DDX10: variants seen among roughly 807,000 people sequenced by gnomAD.
The protein encoded by DDX10 is DEAD-box helicase 10.
Under a neutral mutation model 104.3 loss-of-function variants are expected in DDX10, and 74 were observed. The ratio of observed to expected loss-of-function variants is 0.71; its 90% CI spans 0.59 to 0.86. The LOEUF is 0.86. Among genes scored for constraint, DDX10 ranks in the 40% least tolerant of loss-of-function variants. DDX10 has a pLI of 0.00. For synonymous variants in DDX10, 351 were observed against 353.4 expected (o/e 0.99, Z 0.08); for missense variants, 952 against 1,040.0 (o/e 0.92, Z 1.16).
At chr11:108,794,264 AC>A (rs1474198661) in intron 13 of DDX10, among the ~76,000 whole-genome samples, 2 of 151,880 alleles carry the variant, frequency 1.3e-5, no homozygotes, top group African/African-American at 4.8e-5. Flanking sequence ...AGATCTCCAT[AC>A]TAGTTTTAGT....
chr11:108,797,038 A>AT (rs1861951441), intron 13 of DDX10, among the ~76,000 whole-genome samples: 1 of 150,758 alleles, frequency 6.6e-6, no homozygotes, highest in African/African-American at 2.4e-5. Context: ...TCCCTCTTCT[A>AT]ATTTTTTTTT....
chr11:108,684,141 CTTTTTTTTT>C (rs56168476), intron 6 of DDX10, among the ~76,000 whole-genome samples: 1 of 31,308 alleles, frequency 3.2e-5, no homozygotes, highest in Non-Finnish European at 5.9e-5. Context: ...ATTTCCAGTT[CTTTTTTTTT>C]TTTTTTTTTT....
chr11:108,807,204 C>T (rs1862113656), intron 13 of DDX10, among the ~76,000 whole-genome samples: 1 of 151,806 alleles, frequency 6.6e-6, no homozygotes, highest in African/African-American at 2.4e-5. Flanking sequence ...AAGTTTTGTA[C>T]CTGAGCCTGG....
At chr11:108,834,927 C>CAAA (rs56174572) in intron 13 of DDX10, among the ~76,000 whole-genome samples, 29,095 of 61,894 alleles carry the variant, frequency 0.47, 9,455 homozygotes, top group Non-Finnish European at 0.61. Flanking sequence ...GACTCCATCT[C>CAAA]AAAAAAAAAA....
rs187467319 is a variant in DDX10, at chr11:108,846,273, T to C, written c.2247+4797T>C. On this transcript the variant is annotated intron_variant, in intron 15 of 17. Transcript: ENST00000322536. The stretch of plus-strand genomic sequence containing the variant: ...TTATCATTACTTTGTGGTGAGAACA[T>C]TTAAAATCCATTCTTTTAGCTATTT... Among the ~76,000 whole-genome samples the C allele has an allele frequency of 2.3e-3, 347 of 152,302 alleles. 1 individual carries two copies. Among genetic ancestry groups the C allele is most frequent in the Admixed American group, 2.9e-3 (44 of 15,300 alleles).
chr11:108,689,261 A>G (rs1242979606), intron 7 of DDX10, among the ~76,000 whole-genome samples, 199 bp downstream of exon 7: 1 of 152,224 alleles, frequency 6.6e-6, no homozygotes, highest in Non-Finnish European at 1.5e-5. Flanking sequence ...TTTCTTAGGT[A>G]TTATGTTAAG....
chr11:108,670,632 G>A (rs1358956399), intron 1 of DDX10, among the ~76,000 whole-genome samples: 1 of 151,588 alleles, frequency 6.6e-6, no homozygotes, highest in Non-Finnish European at 1.5e-5. Context: ...GGGGTGGTGT[G>A]TGTTGGAGGG....
At chr11:108,930,122 G>A (rs1036481422) in intron 17 of DDX10, among the ~76,000 whole-genome samples, 1 of 151,288 alleles carries the variant, frequency 6.6e-6, no homozygotes, top group Non-Finnish European at 1.5e-5. Context: ...ACACAGAATA[G>A]CTCATTGCCC....
At chr11:108,839,723 G>A (rs11212793) in intron 14 of DDX10, among the ~76,000 whole-genome samples, 3 of 152,298 alleles carry the variant, frequency 2.0e-5, no homozygotes, top group East Asian at 1.9e-4. Flanking sequence ...CCATTCAAAG[G>A]TGGTGGAAGT....
chr11:108,797,919 T>G (rs1026540256), intron 13 of DDX10, among the ~76,000 whole-genome samples: 3 of 152,238 alleles, frequency 2.0e-5, no homozygotes, highest in Admixed American at 1.3e-4. Context: ...TCCTCAGTAA[T>G]GATCCCAAGG....
rs867806312 is a variant in DDX10, at chr11:108,799,602, T to A, written c.1966-38844T>A. 1.8e-4 allele frequency among the ~76,000 whole-genome samples: 28 copies of A among 152,326 alleles called. No homozygotes were observed. The Middle Eastern group carries it at 0.017, about 93-fold the overall frequency. On this transcript the variant is annotated intron_variant, in intron 13 of 17. Transcript: ENST00000322536. Reference sequence around the variant, plus strand: ...TAATTCATGACCTTCAATGGTTGCTTTAGGGCATTAAGTGTTCATTTTCTT... The same window carrying A: ...TAATTCATGACCTTCAATGGTTGCTATAGGGCATTAAGTGTTCATTTTCTT...
chr11:108,817,595 T>C (rs940927336), intron 13 of DDX10, among the ~76,000 whole-genome samples: 9 of 152,214 alleles, frequency 5.9e-5, no homozygotes, highest in African/African-American at 2.2e-4. Context: ...GAATGCAAAC[T>C]CTACTGTACC....
At position 108,723,220 on chromosome 11, in the gene DDX10, A is replaced by G. The variant is rs61996358; in HGVS notation, c.1723A>G (p.Asn575Asp). 975 of 1,613,766 alleles carry G rather than the reference A, an allele frequency of 6.0e-4. 6 individuals carry two copies. In the African/African-American group the frequency reaches 0.011, roughly 19 times the overall value. The change falls in exon 13 of 18, where the codon AAT becomes GAT. Residue 575 changes from asparagine (N) to aspartate (D), a missense_variant. Around this residue, in one of 3 missense-constraint regions of DDX10, gnomAD observed 533 missense variants for 534.1 expected, o/e 1.00. Coordinates refer to ENST00000322536, the MANE Select transcript of DDX10 (RefSeq NM_004398.4). ...RLEGTEHRQD[N>D]DTGNEEQEEE... ...CGAAGGGACAGAGCACAGACAGGAT[A>G]ATGATACTGGTAATGAAGAACAGGA...
At chr11:108,877,379 T>C (rs1863167228) in intron 16 of DDX10, among the ~76,000 whole-genome samples, 1 of 152,188 alleles carries the variant, frequency 6.6e-6, no homozygotes, top group African/African-American at 2.4e-5. Flanking sequence ...TTTAAATTTA[T>C]GTAATACTTT....
intron 16 of DDX10, among the ~76,000 whole-genome samples, chr11:108,871,475 A>G (rs987358984): frequency 1.3e-5 from 2 of 152,202 alleles, no homozygotes; most frequent in Admixed American, 6.5e-5. Flanking sequence ...TCTTTCCAGC[A>G]TACTCTACTG....
chr11:108,835,823 T>A (rs554638855), intron 13 of DDX10, among the ~76,000 whole-genome samples: 2 of 152,014 alleles, frequency 1.3e-5, no homozygotes, highest in South Asian at 4.2e-4. Context: ...TTCCTTTCCA[T>A]TTGAGGCGTG....
intron 13 of DDX10, 125 bp from the exon 14 acceptor site, chr11:108,838,321 T>A (rs1862584939): frequency 1.0e-6 from 1 of 1,003,308 alleles, no homozygotes; most frequent in Non-Finnish European, 1.4e-6. Context: ...GTGTTTTCAA[T>A]GCTTCTCATT....
At chr11:108,809,774 G>C (rs1444292708) in intron 13 of DDX10, among the ~76,000 whole-genome samples, 1 of 152,150 alleles carries the variant, frequency 6.6e-6, no homozygotes, top group Non-Finnish European at 1.5e-5. Context: ...GTCTGGTATG[G>C]TGCTTGGCAT....
intron 16 of DDX10, among the ~76,000 whole-genome samples, chr11:108,910,049 G>A (rs1035658796): frequency 1.3e-5 from 2 of 150,242 alleles, no homozygotes; most frequent in African/African-American, 2.5e-5. Context: ...GCAGGAAGAC[G>A]TATTAGGCAG....
Sources: allele counts gnomAD v4.1 joint callset (sites outside exome capture counted in the v4.1 genomes callset), GRCh38; gene constraint gnomAD v4.1.1; regional missense constraint gnomAD v4.1.1; transcripts MANE v1.5; gene names NCBI Gene and HGNC (gene_info 2026-07-23, HGNC 2026-07-21).